Variants in CORO2B observed in about 807,000 individuals in gnomAD.
The protein encoded by CORO2B is coronin 2B.
In CORO2B, 26 loss-of-function variants were observed where a neutral mutation model predicts 58.8. The ratio of observed to expected loss-of-function variants is 0.44; its 90% CI spans 0.32 to 0.61. The LOEUF (loss-of-function observed/expected upper bound fraction) is 0.61, where lower values mean the gene tolerates loss of function less well. Ranked by LOEUF, CORO2B falls within the 20% of genes least tolerant of loss-of-function variation. CORO2B has a pLI of 0.04. For missense variants in CORO2B, 460 were observed against 645.1 expected, an observed-to-expected ratio of 0.71 and a Z score of 3.11; for synonymous variants, 242 against 253.8, an observed-to-expected ratio of 0.95 and a Z score of 0.44.
intron 2 of CORO2B, among the ~76,000 whole-genome samples, chr15:68,661,016 C>T (rs1901996783): frequency 1.3e-5 from 2 of 148,454 alleles, no homozygotes; most frequent in Admixed American, 6.8e-5. Flanking sequence ...CTTTTGCTGT[C>T]GCCCAGGCTG....
chr15:68,634,042 G>A (rs1321640663), intron 1 of CORO2B, among the ~76,000 whole-genome samples: 1 of 152,248 alleles, frequency 6.6e-6, no homozygotes, highest in Non-Finnish European at 1.5e-5. Context: ...TGGCAGCTAT[G>A]CCTGGCATCT....
At chr15:68,554,241 G>C in the CORO2B span, among the ~76,000 whole-genome samples, 1 of 152,124 alleles carries the variant, frequency 6.6e-6, no homozygotes, top group Non-Finnish European at 1.5e-5. Flanking sequence ...AGCTGAAATT[G>C]AGTGGACTAG....
chr15:68,656,834 C>G (rs1901821733), intron 2 of CORO2B, among the ~76,000 whole-genome samples: 1 of 152,162 alleles, frequency 6.6e-6, no homozygotes. Flanking sequence ...CTAGTCCTAA[C>G]CCCGAGGCTG....
the CORO2B span, among the ~76,000 whole-genome samples, chr15:68,520,940 T>C: frequency 2.4e-4 from 37 of 152,104 alleles, no homozygotes; most frequent in African/African-American, 3.9e-4. Flanking sequence ...TCCCAGCTAC[T>C]TGGGAGGCTG....
intron 1 of CORO2B, among the ~76,000 whole-genome samples, chr15:68,593,810 G>T (rs546543857): frequency 6.6e-6 from 1 of 152,302 alleles, no homozygotes; most frequent in South Asian, 2.1e-4. Flanking sequence ...AGGTCCCATT[G>T]TGGGGTGGGA....
chr15:68,683,726 T>C (rs78059175), intron 2 of CORO2B, among the ~76,000 whole-genome samples: 6,273 of 152,246 alleles, frequency 0.041, 292 homozygotes, highest in African/African-American at 0.11. Context: ...CCTCCCTCCC[T>C]GCAGAGCATG....
the CORO2B span, among the ~76,000 whole-genome samples, chr15:68,548,891 T>A: frequency 2.0e-5 from 3 of 152,204 alleles, no homozygotes; most frequent in Admixed American, 2.0e-4. Flanking sequence ...GTTGTATATC[T>A]TTTTCTTATC....
At chr15:68,619,186 A>AGG (rs1900447129) in intron 1 of CORO2B, among the ~76,000 whole-genome samples, 1 of 152,208 alleles carries the variant, frequency 6.6e-6, no homozygotes, top group South Asian at 2.1e-4. Flanking sequence ...TAGGAAGCCC[A>AGG]GAGCCCCAAT....
the CORO2B span, among the ~76,000 whole-genome samples, chr15:68,526,955 C>A: frequency 6.6e-6 from 1 of 152,082 alleles, no homozygotes; most frequent in East Asian, 1.9e-4. Context: ...TAGGGTAGGG[C>A]CCTCATACAA....
chr15:68,601,628 G>A (rs1478580229), intron 1 of CORO2B, among the ~76,000 whole-genome samples: 1 of 152,218 alleles, frequency 6.6e-6, no homozygotes, highest in Non-Finnish European at 1.5e-5. Flanking sequence ...TGTGAAGGAA[G>A]AGGAGGATTT....
intron 1 of CORO2B, among the ~76,000 whole-genome samples, chr15:68,604,329 C>T (rs1900054484): frequency 6.6e-6 from 1 of 152,070 alleles, no homozygotes; most frequent in Non-Finnish European, 1.5e-5. Flanking sequence ...CAGCCCCCAC[C>T]CCCAAACCGC....
intron 1 of CORO2B, among the ~76,000 whole-genome samples, chr15:68,584,825 C>A (rs1386089941): frequency 1.3e-5 from 2 of 152,194 alleles, no homozygotes; most frequent in Non-Finnish European, 2.9e-5. Context: ...GAGCTTGGGG[C>A]AGCTGGCATG....
chr15:68,719,685 C>T, intron 11 of CORO2B, 133 bp downstream of exon 11: 1 of 1,035,802 alleles, frequency 9.7e-7, no homozygotes, highest in East Asian at 2.6e-5. Context: ...CCATAAGTAG[C>T]CTGATATTGG....
chr15:68,678,129 C>T (rs1483481028), intron 2 of CORO2B, among the ~76,000 whole-genome samples: 4 of 152,232 alleles, frequency 2.6e-5, no homozygotes, highest in African/African-American at 9.6e-5. Flanking sequence ...ATGACTTGTA[C>T]AGCACCCGTG....
intron 8 of CORO2B, among the ~76,000 whole-genome samples, chr15:68,717,624 G>A (rs1639125595): frequency 6.6e-6 from 1 of 152,162 alleles, no homozygotes; most frequent in African/African-American, 2.4e-5. Flanking sequence ...TGTGATGTAG[G>A]CACTTCTTGT....
chr15:68,696,858 G>A (rs1383634333), intron 3 of CORO2B, among the ~76,000 whole-genome samples: 1 of 152,220 alleles, frequency 6.6e-6, no homozygotes, highest in Non-Finnish European at 1.5e-5. Flanking sequence ...GAAAATCCCA[G>A]CCTTTTAGTC....
chr15:68,670,058 G>GA (rs34793532), intron 2 of CORO2B, among the ~76,000 whole-genome samples: 88,285 of 141,618 alleles, frequency 0.62, 27,908 homozygotes, highest in East Asian at 0.85. Flanking sequence ...CTCTGTCTCA[G>GA]AAAAAAAAAA....
upstream of CORO2B, among the ~76,000 whole-genome samples, chr15:68,574,176 C>A (rs1899236467): frequency 1.3e-5 from 2 of 152,136 alleles, no homozygotes; most frequent in South Asian, 4.1e-4. Flanking sequence ...AGTGGCCCAG[C>A]AAGGGAAAAT....
chr15:68,559,667 C>T, the CORO2B span: 7 of 983,604 alleles, frequency 7.1e-6, no homozygotes, highest in African/African-American at 1.0e-4. This position sits in a 1 kb window ranked among gnomAD's most constrained non-coding sequence, Gnocchi z 4.3. Context: ...TCTGGGCCTC[C>T]GTTTCCGGTT....
Sources: gnomAD v4.1 joint callset for allele counts (sites outside exome capture counted in the v4.1 genomes callset) on GRCh38, gnomAD v4.1.1 for gene constraint, Gnocchi (gnomAD v3.1) non-coding constraint, MANE v1.5 for transcripts, NCBI Gene and HGNC (gene_info 2026-07-23, HGNC 2026-07-21) for gene names.